FBXL20: variants seen among roughly 807,000 people sequenced by gnomAD.
FBXL20 encodes the protein F-box/LRR-repeat protein 20.
A neutral mutation model predicts 64.0 loss-of-function variants in FBXL20; 11 were observed. The observed-to-expected ratio is 0.17, with a 90% CI of 0.11 to 0.28. The LOEUF (loss-of-function observed/expected upper bound fraction) is 0.28. Ranked by LOEUF, FBXL20 falls within the 10% of genes least tolerant of loss-of-function variation. The pLI, the probability that FBXL20 is intolerant of heterozygous loss-of-function variation, is 1.00. For missense variants in FBXL20, 303 were observed against 526.2 expected (o/e 0.58, Z 4.15); for synonymous variants, 184 against 189.0 (o/e 0.97, Z 0.22).
At position 39,257,922 on chromosome 17, in the gene FBXL20, T is replaced by A. The variant is rs141295005; in HGVS notation, c.*3538A>T. ...GGCTGATGAAGAGGATGAAAAGACA[T>A]TGATGTAGCAAATGATGCTGGAAGA... is the stretch of plus-strand genomic sequence containing the variant. On this transcript the variant is annotated 3_prime_UTR_variant, in exon 15 of 15. Coordinates refer to ENST00000264658, the MANE Select transcript of FBXL20 (RefSeq NM_032875.3). 1 of 152,856 alleles carries A rather than the reference T, an allele frequency of 6.5e-6. No homozygotes were observed. The highest frequency in any genetic ancestry group is 6.5e-5 in the Admixed American group (1 of 15,270). The allele number at this position is 152,856 out of a possible 1,614,324, so 9.5% of individuals were successfully genotyped here. A position where few individuals can be genotyped will look rare whatever the true frequency, so the allele number is the denominator to read the frequency against.
intron 10 of FBXL20, 114 bp downstream of exon 10, chr17:39,274,856 A>C (rs966536076): frequency 3.6e-6 from 5 of 1,388,320 alleles, no homozygotes; most frequent in Non-Finnish European, 4.9e-6. Context: ...GACTACCTTA[A>C]AATTTCAAAG....
chr17:39,370,794 CAAAAA>C (rs34338616), intron 1 of FBXL20, among the ~76,000 whole-genome samples: 2 of 75,658 alleles, frequency 2.6e-5, no homozygotes, highest in Non-Finnish European at 2.7e-5. Flanking sequence ...GACTCCGTCT[CAAAAA>C]AAAAAAAAAA....
At chr17:39,333,747 C>G (rs2047489198) in intron 2 of FBXL20, among the ~76,000 whole-genome samples, 1 of 151,686 alleles carries the variant, frequency 6.6e-6, no homozygotes, top group Non-Finnish European at 1.5e-5. Flanking sequence ...GGGAGCGCCT[C>G]TGCCCCGCCG....
chr17:39,281,492 T>A, intron 8 of FBXL20, 29 bp from the exon 9 acceptor site: 1 of 1,568,986 alleles, frequency 6.4e-7, no homozygotes, highest in Admixed American at 1.7e-5. Context: ...AAGAAAAAAA[T>A]GATTATTGAC....
chr17:39,401,496 C>G lies in FBXL20; in HGVS notation c.-94G>C. On this transcript the variant is annotated 5_prime_UTR_variant, in exon 1 of 15. Transcript: ENST00000264658. Reference sequence around the variant, plus strand: ...AGGCCCGGGAGTTCCGGGACGGGGACTGGGCGCCGGAGGGGTGACGCCGGG... The same window carrying G: ...AGGCCCGGGAGTTCCGGGACGGGGAGTGGGCGCCGGAGGGGTGACGCCGGG... The G allele has an allele frequency of 6.6e-7, 1 of 1,504,228 alleles. No homozygotes were observed. Among genetic ancestry groups the G allele is most frequent in the Non-Finnish European group, 8.8e-7 (1 of 1,132,074 alleles). 93.2% of individuals were successfully genotyped at this position (1,504,228 alleles called of 1,614,324 possible). A position where few individuals can be genotyped will look rare whatever the true frequency, so the allele number is the denominator to read the frequency against.
chr17:39,394,044 A>G (rs1216176955), intron 1 of FBXL20, among the ~76,000 whole-genome samples: 1 of 152,144 alleles, frequency 6.6e-6, no homozygotes, highest in Non-Finnish European at 1.5e-5. Context: ...TTCTGAGCCA[A>G]TATTTGGGTG....
At chr17:39,262,416 G>A (rs2046754880) in intron 14 of FBXL20, among the ~76,000 whole-genome samples, 1 of 151,988 alleles carries the variant, frequency 6.6e-6, no homozygotes. Context: ...GAGCAGCTGG[G>A]ATTACAGGCA....
rs546386820 is a variant in FBXL20, at chr17:39,327,888, T to C, written c.104+15292A>G. On this transcript the variant is annotated intron_variant, in intron 2 of 14. Coordinates refer to ENST00000264658, the MANE Select transcript of FBXL20 (RefSeq NM_032875.3). ...GGTAACCAAACATGTATTTCTTAGC[T>C]CTGTCTTATGAGAAAGTCTAGAAGC... 7.9e-5 allele frequency among the ~76,000 whole-genome samples: 12 copies of C among 152,026 alleles called. No individual in the cohort carries two copies. In the South Asian group the frequency reaches 2.3e-3, roughly 29 times the overall value.
chr17:39,340,569 C>T (rs745325809), intron 2 of FBXL20, among the ~76,000 whole-genome samples: 6 of 152,092 alleles, frequency 3.9e-5, no homozygotes, highest in Non-Finnish European at 8.8e-5. Flanking sequence ...ATTTTGATAA[C>T]TGATATTATT....
rs528556946 is a variant in FBXL20 at position 39,264,277 on chromosome 17, G to A, written c.1101C>T (p.Ile367=). 14 of 1,614,232 alleles carry A rather than the reference G, an allele frequency of 8.7e-6. No individual in the cohort carries two copies. In the South Asian group the frequency reaches 1.2e-4, roughly 14 times the overall value. ...EVIELDNCPL[I]TDASLEHLKS... ...TCAAGTGCTCCAGGGATGCATCTGT[G>A]ATTAGTGGGCAGTTGTCCAGCTCAA... The change falls in exon 14 of 15, where the codon ATC becomes ATT. Residue 367 remains isoleucine (I), a synonymous_variant. Transcript: ENST00000264658.
chr17:39,396,246 T>C (rs2048181794), intron 1 of FBXL20, among the ~76,000 whole-genome samples: 1 of 152,020 alleles, frequency 6.6e-6, no homozygotes, highest in South Asian at 2.1e-4. Context: ...ACCTTAGTGA[T>C]TGATTCTATC....
At chr17:39,365,909 T>C (rs900257756) in intron 1 of FBXL20, among the ~76,000 whole-genome samples, 1 of 152,154 alleles carries the variant, frequency 6.6e-6, no homozygotes, top group African/African-American at 2.4e-5. Context: ...TCCTCCTCCT[T>C]CCTCCATTTC....
At chr17:39,358,908 C>T (rs775113836) in intron 1 of FBXL20, among the ~76,000 whole-genome samples, 14 of 152,076 alleles carry the variant, frequency 9.2e-5, no homozygotes, top group Admixed American at 3.9e-4. Context: ...AATATTCAGA[C>T]GTTTCACCAA....
intron 6 of FBXL20, among the ~76,000 whole-genome samples, chr17:39,287,968 CTTT>C (rs34161800): frequency 1.6e-5 from 2 of 123,838 alleles, no homozygotes; most frequent in Middle Eastern, 4.2e-3. Context: ...GTAATGAAAA[CTTT>C]TTTTTTTTTT....
At position 39,367,319 on chromosome 17, in the gene FBXL20, CTTT is replaced by C. The variant is rs572558102; in HGVS notation, c.43-24081_43-24079del. ...ACCTCCTGGTTTATCTTTTTCTTTT[CTTT>C]TTTTTTTTTTTGGAGATAGAGTCTC... On this transcript the variant is annotated intron_variant, in intron 1 of 14. Coordinates refer to ENST00000264658, the MANE Select transcript of FBXL20 (RefSeq NM_032875.3). Among the ~76,000 whole-genome samples, 4 of 138,826 alleles carry C rather than the reference CTTT, an allele frequency of 2.9e-5. No individual in the cohort carries two copies. The South Asian group carries it at 6.9e-4, about 24-fold the overall frequency. The allele number at this position is 138,826 out of a possible 152,430, so 91.1% of individuals were successfully genotyped here. A position where few individuals can be genotyped will look rare whatever the true frequency, so the allele number is the denominator to read the frequency against.
intron 2 of FBXL20, among the ~76,000 whole-genome samples, chr17:39,310,922 G>A (rs1424872429): frequency 1.3e-5 from 2 of 151,972 alleles, no homozygotes; most frequent in Admixed American, 1.3e-4. Flanking sequence ...GGGGGCAGAG[G>A]TTGCAGTGAA....
intron 1 of FBXL20, among the ~76,000 whole-genome samples, chr17:39,392,327 C>G (rs1209347747): frequency 6.6e-6 from 1 of 151,312 alleles, no homozygotes; most frequent in East Asian, 1.9e-4. Flanking sequence ...GTAGTTCCAG[C>G]TACTCAGGAG....
At chr17:39,373,734 TGTA>T (rs1490761603) in intron 1 of FBXL20, among the ~76,000 whole-genome samples, 1 of 152,242 alleles carries the variant, frequency 6.6e-6, no homozygotes, top group African/African-American at 2.4e-5. Context: ...CCTACTAGGC[TGTA>T]GTTTCCGGAA....
chr17:39,357,511 G>C (rs1351846633), intron 1 of FBXL20, among the ~76,000 whole-genome samples: 1 of 151,848 alleles, frequency 6.6e-6, no homozygotes, highest in Non-Finnish European at 1.5e-5. Context: ...TTGCCTTCTG[G>C]TATCTTAAAC....
Sources: allele counts gnomAD v4.1 joint callset (sites outside exome capture counted in the v4.1 genomes callset), GRCh38; gene constraint gnomAD v4.1.1; transcripts MANE v1.5; gene names NCBI Gene and HGNC (gene_info 2026-07-23, HGNC 2026-07-21).